CSMD1: variants seen among roughly 807,000 people sequenced by gnomAD.
The protein encoded by CSMD1 is CUB and sushi domain-containing protein 1.
Under a neutral mutation model 417.5 loss-of-function variants are expected in CSMD1, and 213 were observed. That is an observed-to-expected ratio of 0.51 (90% CI 0.46 to 0.57). The LOEUF (loss-of-function observed/expected upper bound fraction) is 0.57. Ranked by LOEUF, CSMD1 falls within the 20% of genes least tolerant of loss-of-function variation. The pLI is 0.00. For synonymous variants in CSMD1, 2,862 were observed against 1,736.8 expected (o/e 1.65, Z -16.11); for missense variants, 6,923 against 4,529.7 (o/e 1.53, Z -15.17).
rs371219230 is a variant in CSMD1, at chr8:3,531,143, G to A, written c.1345-37417C>T. On this transcript the variant is annotated intron_variant, in intron 10 of 69. Coordinates refer to ENST00000635120, the MANE Select transcript of CSMD1 (RefSeq NM_033225.6). ...CCCAAAGTGCTGGGATTACAGGTGT[G>A]AGCCACCACACCTGGCCCATACTAC... is the stretch of plus-strand genomic sequence containing the variant. 5.3e-4 allele frequency among the ~76,000 whole-genome samples: 81 copies of A among 152,100 alleles called. 1 individual carries two copies. In the South Asian group the frequency reaches 7.7e-3, roughly 14 times the overall value.
At chr8:3,995,059 A>T (rs1371876679) in intron 5 of CSMD1, among the ~76,000 whole-genome samples, 1 of 152,118 alleles carries the variant, frequency 6.6e-6, no homozygotes, top group African/African-American at 2.4e-5. Context: ...GAATGGGGAA[A>T]CCTTTTAAAT....
chr8:4,808,537 G>C (rs1248488425), intron 1 of CSMD1, among the ~76,000 whole-genome samples: 1 of 152,098 alleles, frequency 6.6e-6, no homozygotes, highest in Admixed American at 6.5e-5. Context: ...GTAGAAAAAG[G>C]CTTTCAGTGA....
intron 6 of CSMD1, among the ~76,000 whole-genome samples, chr8:3,727,833 C>T (rs553180243): frequency 3.5e-4 from 54 of 152,274 alleles, no homozygotes; most frequent in African/African-American, 1.2e-3. Flanking sequence ...AGCTTTAGGG[C>T]AGTGCGCCAG....
At chr8:4,288,515 G>C (rs186892794) in intron 3 of CSMD1, among the ~76,000 whole-genome samples, 1 of 152,314 alleles carries the variant, frequency 6.6e-6, no homozygotes, top group East Asian at 1.9e-4. Flanking sequence ...GGTTTACCCA[G>C]TAGTAGCAGA....
chr8:3,851,862 C>A (rs1023979925), intron 5 of CSMD1, among the ~76,000 whole-genome samples: 2 of 152,078 alleles, frequency 1.3e-5, no homozygotes, highest in African/African-American at 4.8e-5. Context: ...GCAGACATGG[C>A]CATGCAAAGC....
At chr8:3,742,745 A>C (rs1796875702) in intron 6 of CSMD1, among the ~76,000 whole-genome samples, 1 of 152,140 alleles carries the variant, frequency 6.6e-6, no homozygotes. Context: ...AGAAGAAAAA[A>C]AACAAAAACA....
intron 3 of CSMD1, among the ~76,000 whole-genome samples, chr8:4,254,924 C>T (rs576015080): frequency 4.6e-5 from 7 of 152,120 alleles, no homozygotes; most frequent in Admixed American, 2.0e-4. Flanking sequence ...GAATACATTC[C>T]CATCACTAAT....
intron 5 of CSMD1, among the ~76,000 whole-genome samples, chr8:3,926,453 T>C (rs1809737031): frequency 6.7e-6 from 1 of 149,792 alleles, no homozygotes; most frequent in Admixed American, 6.7e-5. Context: ...TAAATATTTG[T>C]TGAATGAGTG....
chr8:4,254,244 C>T (rs1042943836), intron 3 of CSMD1, among the ~76,000 whole-genome samples: 2 of 152,094 alleles, frequency 1.3e-5, no homozygotes, highest in Non-Finnish European at 2.9e-5. Flanking sequence ...CTTTCCCTCT[C>T]TTCACCAAAT....
chr8:3,877,978 A>T (rs981290319), intron 5 of CSMD1, among the ~76,000 whole-genome samples: 14 of 150,384 alleles, frequency 9.3e-5, no homozygotes, highest in Admixed American at 8.6e-4. Flanking sequence ...TTTTTTTTTT[A>T]AACTTAAACT....
chr8:3,525,891 G>C (rs1017225419), intron 10 of CSMD1, among the ~76,000 whole-genome samples: 30 of 152,086 alleles, frequency 2.0e-4, no homozygotes, highest in African/African-American at 6.0e-4. Context: ...ATCTGTATAA[G>C]ACAGCCAACT....
intron 1 of CSMD1, among the ~76,000 whole-genome samples, chr8:4,658,260 T>C (rs980267257): frequency 6.6e-6 from 1 of 152,152 alleles, no homozygotes; most frequent in Non-Finnish European, 1.5e-5. Context: ...CAGATACGTG[T>C]AGGAAGGATA....
rs113269795 is a variant in CSMD1, at chr8:3,959,244, A to G, written c.818+38659T>C. 8.7e-3 allele frequency among the ~76,000 whole-genome samples: 1,327 copies of G among 152,372 alleles called. 11 individuals are homozygous for G. The highest frequency in any genetic ancestry group is 0.014 in the Non-Finnish European group (962 of 68,036). On this transcript the variant is annotated intron_variant, in intron 5 of 69. Coordinates refer to ENST00000635120, the MANE Select transcript of CSMD1 (RefSeq NM_033225.6). ...ACAGAGCAGGGTGGGACACGTGTGTAATCCCAGCACTTTAGGATGCCAAGG... is the reference window on the plus strand; with the variant it reads ...ACAGAGCAGGGTGGGACACGTGTGTGATCCCAGCACTTTAGGATGCCAAGG...
intron 5 of CSMD1, among the ~76,000 whole-genome samples, chr8:3,803,350 A>T (rs1018473849): frequency 3.9e-5 from 6 of 152,204 alleles, no homozygotes; most frequent in African/African-American, 1.2e-4. Flanking sequence ...AGACAAGACA[A>T]GACAAGACTT....
intron 1 of CSMD1, among the ~76,000 whole-genome samples, chr8:4,990,981 AC>A (rs1293539312): frequency 6.6e-6 from 1 of 152,006 alleles, no homozygotes; most frequent in Non-Finnish European, 1.5e-5. Context: ...CGAATGTTCC[AC>A]CTTTCTCTTT....
chr8:3,897,271 C>T (rs1026088978), intron 5 of CSMD1, among the ~76,000 whole-genome samples: 2 of 152,264 alleles, frequency 1.3e-5, no homozygotes, highest in East Asian at 3.9e-4. Flanking sequence ...GTGTGACTAG[C>T]AATTTTAATT....
chr8:3,489,861 G>C (rs1173760839), intron 11 of CSMD1, among the ~76,000 whole-genome samples: 2 of 152,140 alleles, frequency 1.3e-5, no homozygotes, highest in Non-Finnish European at 2.9e-5. Flanking sequence ...ACAAAATATT[G>C]AGTTTGAAGT....
intron 12 of CSMD1, among the ~76,000 whole-genome samples, chr8:3,451,244 C>T (rs896077561): frequency 1.3e-5 from 2 of 152,102 alleles, no homozygotes; most frequent in Non-Finnish European, 2.9e-5. Context: ...CATTGCAAAA[C>T]ATTTCTGCCA....
At position 4,367,882 on chromosome 8, in the gene CSMD1, T is replaced by C. The variant is rs575454183; in HGVS notation, c.415+52071A>G. On this transcript the variant is annotated intron_variant, in intron 3 of 69. Coordinates refer to ENST00000635120, the MANE Select transcript of CSMD1 (RefSeq NM_033225.6). ...CTTCGATAGGGTATAGAAATGCTACTAATTTTCGTACATTATTTTGTATCC... is the reference window on the plus strand; with the variant it reads ...CTTCGATAGGGTATAGAAATGCTACCAATTTTCGTACATTATTTTGTATCC... Among the ~76,000 whole-genome samples the C allele has an allele frequency of 3.3e-5, 5 of 152,332 alleles. No individual in the cohort carries two copies. In the South Asian group the frequency reaches 1.0e-3, roughly 32 times the overall value.
Sources: allele counts gnomAD v4.1 joint callset (sites outside exome capture counted in the v4.1 genomes callset), GRCh38; gene constraint gnomAD v4.1.1; transcripts MANE v1.5; gene names NCBI Gene and HGNC (gene_info 2026-07-23, HGNC 2026-07-21).